The following AGBL4 variants were observed in gnomAD, a reference collection of about 807,000 sequenced individuals.
AGBL4 encodes the protein cytosolic carboxypeptidase 6.
In AGBL4, 58 loss-of-function variants were observed where a neutral mutation model predicts 66.4. The ratio of observed to expected loss-of-function variants is 0.87; its 90% CI spans 0.71 to 1.09. The LOEUF (loss-of-function observed/expected upper bound fraction) is 1.09. Ranked by LOEUF, AGBL4 falls within the 50% of genes least tolerant of loss-of-function variation. The pLI is 0.00. For synonymous variants in AGBL4, 234 were observed against 222.9 expected, an observed-to-expected ratio of 1.05 and a Z score of -0.44; for missense variants, 579 against 631.0, an observed-to-expected ratio of 0.92 and a Z score of 0.88.
intron 9 of AGBL4, among the ~76,000 whole-genome samples, chr1:48,601,922 A>G (rs1645079371): frequency 1.3e-5 from 2 of 152,200 alleles, no homozygotes; most frequent in Admixed American, 6.5e-5. Context: ...CAGGAAAACA[A>G]GACAAAAAAA....
At chr1:48,571,545 C>T (rs17373183) in intron 11 of AGBL4, among the ~76,000 whole-genome samples, 9,569 of 152,292 alleles carry the variant, frequency 0.063, 325 homozygotes, top group South Asian at 0.1. Context: ...CTCATGTTGG[C>T]ATCTGCTGAA....
intron 4 of AGBL4, among the ~76,000 whole-genome samples, chr1:49,187,756 C>T (rs1647040819): frequency 6.6e-6 from 1 of 152,154 alleles, no homozygotes; most frequent in Non-Finnish European, 1.5e-5. Flanking sequence ...CTCCTAAATA[C>T]ATTGTGCTCT....
intron 3 of AGBL4, among the ~76,000 whole-genome samples, chr1:49,564,708 T>A (rs1251499845): frequency 6.6e-6 from 1 of 152,076 alleles, no homozygotes; most frequent in Non-Finnish European, 1.5e-5. Flanking sequence ...ACATTTGCTG[T>A]GGAGTGCTTT....
intron 4 of AGBL4, among the ~76,000 whole-genome samples, chr1:49,168,200 T>C (rs1410080116): frequency 6.6e-6 from 1 of 152,204 alleles, no homozygotes. Flanking sequence ...TTTACCATTA[T>C]GACCAGGGCT....
intron 1 of AGBL4, among the ~76,000 whole-genome samples, chr1:49,937,154 GC>G (rs1571909226): frequency 6.6e-6 from 1 of 151,942 alleles, no homozygotes; most frequent in African/African-American, 2.4e-5. Flanking sequence ...GATCTACCAA[GC>G]AAATGGAAAA....
intron 1 of AGBL4, among the ~76,000 whole-genome samples, chr1:50,019,096 G>C (rs931508668): frequency 3.3e-5 from 5 of 151,826 alleles, no homozygotes; most frequent in Non-Finnish European, 5.9e-5. Flanking sequence ...CCCCATTGGG[G>C]GTATTATGTA....
chr1:49,299,692 A>C (rs753465713), intron 3 of AGBL4, among the ~76,000 whole-genome samples: 4 of 152,144 alleles, frequency 2.6e-5, no homozygotes, highest in African/African-American at 7.2e-5. Flanking sequence ...GGGAGTTTTC[A>C]GGGGAGACAT....
At chr1:49,965,722 T>C (rs1486283192) in intron 1 of AGBL4, among the ~76,000 whole-genome samples, 1 of 152,124 alleles carries the variant, frequency 6.6e-6, no homozygotes, top group African/African-American at 2.4e-5. Context: ...AGACTGCACA[T>C]TGCAAAGCAG....
At chr1:49,832,785 T>A (rs1014282337) in intron 2 of AGBL4, among the ~76,000 whole-genome samples, 8 of 152,250 alleles carry the variant, frequency 5.3e-5, no homozygotes, top group African/African-American at 1.9e-4. Flanking sequence ...TTTGGCTGCA[T>A]AAATGTCTTC....
At chr1:49,529,001 G>A (rs1027399418) in intron 3 of AGBL4, among the ~76,000 whole-genome samples, 1 of 152,004 alleles carries the variant, frequency 6.6e-6, no homozygotes, top group Non-Finnish European at 1.5e-5. Flanking sequence ...ACACTACAAA[G>A]TCATTAAAGA....
chr1:49,643,502 C>CAA (rs150301050), intron 3 of AGBL4, among the ~76,000 whole-genome samples: 3 of 150,294 alleles, frequency 2.0e-5, no homozygotes, highest in African/African-American at 2.4e-5. Flanking sequence ...ATTCCAACCA[C>CAA]AAAAAAAACA....
chr1:49,789,104 G>A (rs992381915), intron 2 of AGBL4, among the ~76,000 whole-genome samples: 1 of 152,134 alleles, frequency 6.6e-6, no homozygotes, highest in African/African-American at 2.4e-5. Flanking sequence ...GATACTCTGT[G>A]GTTTTTGTCA....
intron 5 of AGBL4, among the ~76,000 whole-genome samples, chr1:48,994,050 C>T (rs1303874505): frequency 6.6e-6 from 1 of 152,092 alleles, no homozygotes; most frequent in East Asian, 1.9e-4. Flanking sequence ...TCAGTGGAGG[C>T]TTCTATTTGC....
intron 6 of AGBL4, among the ~76,000 whole-genome samples, chr1:48,758,564 GAAACC>G (rs1408125281): frequency 1.3e-5 from 2 of 152,178 alleles, no homozygotes; most frequent in Non-Finnish European, 2.9e-5. Flanking sequence ...TTACTATCCT[GAAACC>G]TCCTTGGAGA....
At chr1:49,815,413 A>G (rs1645207371) in intron 2 of AGBL4, among the ~76,000 whole-genome samples, 2 of 152,108 alleles carry the variant, frequency 1.3e-5, no homozygotes, top group Admixed American at 1.3e-4. Context: ...TTATCCATTC[A>G]TCTGTTGCTG....
At chr1:49,028,577 A>G (rs1369778117) in intron 5 of AGBL4, among the ~76,000 whole-genome samples, 9 of 152,208 alleles carry the variant, frequency 5.9e-5, no homozygotes, top group Admixed American at 5.2e-4. Context: ...CAGCAAGAGA[A>G]AAGTGATTCA....
chr1:49,135,059 T>C (rs1004756565), intron 4 of AGBL4, among the ~76,000 whole-genome samples: 2 of 151,636 alleles, frequency 1.3e-5, no homozygotes, highest in Admixed American at 6.6e-5. Context: ...TTAATATTCC[T>C]TACTGGGGAA....
intron 13 of AGBL4, 117 bp from the exon 14 acceptor site, chr1:48,534,410 C>T: frequency 7.4e-7 from 1 of 1,352,290 alleles, no homozygotes; most frequent in South Asian, 1.6e-5. Flanking sequence ...GAACAGTAAC[C>T]TAGTCTTCTT....
At chr1:48,645,603 T>C (rs2148430404) in intron 8 of AGBL4, among the ~76,000 whole-genome samples, 1 of 152,294 alleles carries the variant, frequency 6.6e-6, no homozygotes, top group Admixed American at 6.5e-5. Context: ...ATTAATTAGT[T>C]CTATGAACTT....
Sources: gnomAD v4.1 joint callset for allele counts (sites outside exome capture counted in the v4.1 genomes callset) on GRCh38, gnomAD v4.1.1 for gene constraint, MANE v1.5 for transcripts, NCBI Gene and HGNC (gene_info 2026-07-23, HGNC 2026-07-21) for gene names.